Variants in ITPKB observed in about 807,000 individuals in gnomAD.
The protein encoded by ITPKB is inositol-trisphosphate 3-kinase B.
A neutral mutation model predicts 69.4 loss-of-function variants in ITPKB; 13 were observed. The observed-to-expected ratio is 0.19, with a 90% CI of 0.12 to 0.30. The LOEUF (loss-of-function observed/expected upper bound fraction) is 0.30, where lower values mean the gene tolerates loss of function less well. Among genes scored for constraint, ITPKB ranks in the 10% least tolerant of loss-of-function variants. The pLI, the probability that ITPKB is intolerant of heterozygous loss-of-function variation, is 1.00. For missense variants in ITPKB, 1,240 were observed against 1,250.5 expected, an observed-to-expected ratio of 0.99 and a Z score of 0.13; for synonymous variants, 584 against 513.7, an observed-to-expected ratio of 1.14 and a Z score of -1.85.
intron 2 of ITPKB, among the ~76,000 whole-genome samples, chr1:226,718,204 G>C (rs1170176874): frequency 6.7e-6 from 1 of 149,276 alleles, no homozygotes; most frequent in African/African-American, 2.5e-5. Flanking sequence ...TGAGGCAGGA[G>C]AATCACTTGA....
chr1:226,728,045 G>A (rs1430112553), intron 2 of ITPKB, among the ~76,000 whole-genome samples: 1 of 152,046 alleles, frequency 6.6e-6, no homozygotes, highest in African/African-American at 2.4e-5. Context: ...ACCACCCCAG[G>A]TTACGTGAGA....
intron 2 of ITPKB, among the ~76,000 whole-genome samples, chr1:226,690,182 G>A (rs1656314440): frequency 6.6e-6 from 1 of 152,140 alleles, no homozygotes. Flanking sequence ...AGGTCTTTGA[G>A]GAATCGCCAC....
rs145379834 is a variant in ITPKB, at chr1:226,634,758, C to T, written c.2754G>A (p.Glu918=). ...AGAGGTAGCCATCCTCCCGGTTCCCCTCCTGCCAGGGGACGTCATGCTGCA... is the reference window on the plus strand; with the variant it reads ...AGAGGTAGCCATCCTCCCGGTTCCCTTCCTGCCAGGGGACGTCATGCTGCA... The part of the protein sequence containing the change: ...QTLQHDVPWQ[E]GNREDGYLSG... The change falls in exon 8 of 8, where the codon GAG becomes GAA. Residue 918 remains glutamate, a synonymous_variant. Coordinates refer to ENST00000429204, the MANE Select transcript of ITPKB (RefSeq NM_002221.4). This position sits in a 1 kb window ranked among gnomAD's most constrained non-coding sequence, Gnocchi z 6.3. The T allele has an allele frequency of 2.6e-4, 370 of 1,400,586 alleles. No homozygotes were observed. The African/African-American group carries it at 5.0e-3, about 19-fold the overall frequency. The allele number at this position is 1,400,586 out of a possible 1,614,324, so 86.8% of individuals were successfully genotyped here. A position where few individuals can be genotyped will look rare whatever the true frequency, so the allele number is the denominator to read the frequency against.
At chr1:226,649,963 G>A (rs1669154486) in intron 2 of ITPKB, among the ~76,000 whole-genome samples, 2 of 152,312 alleles carry the variant, frequency 1.3e-5, no homozygotes, top group Admixed American at 6.5e-5. Flanking sequence ...TCAGGGGGGC[G>A]ATGAGAACCT....
chr1:226,713,075 C>T (rs1033196696), intron 2 of ITPKB, among the ~76,000 whole-genome samples: 10 of 152,148 alleles, frequency 6.6e-5, no homozygotes, highest in African/African-American at 2.2e-4. Flanking sequence ...CACACACATA[C>T]ACACGTGCAT....
intron 7 of ITPKB, among the ~76,000 whole-genome samples, chr1:226,636,516 C>T (rs1151804): frequency 0.1 from 15,481 of 152,238 alleles, 825 homozygotes; most frequent in East Asian, 0.16. Context: ...CACCGCCCTG[C>T]TGGCTGCCTC....
chr1:226,707,242 C>G (rs1450321858), intron 2 of ITPKB: 1 of 330,444 alleles, frequency 3.0e-6, no homozygotes, highest in African/African-American at 2.2e-5. Flanking sequence ...TTCGCCCAGG[C>G]TGGAGTGCAG....
rs1216868392 is a variant in ITPKB, at chr1:226,634,727, G to A, written c.2785C>T (p.Leu929Phe). ...GTCAGGATGTCGACGAGGTTATTGAGCCCCGAGAGGTAGCCATCCTCCCGG... is the reference window on the plus strand; with the variant it reads ...GTCAGGATGTCGACGAGGTTATTGAACCCCGAGAGGTAGCCATCCTCCCGG... ...GNREDGYLSG[L>F]NNLVDILTEM... Residue 929 changes from leucine to phenylalanine, a missense_variant, in exon 8 of 8, where the codon CTC (leucine) becomes TTC (phenylalanine). Physicochemically the swap from Leu to Phe is conservative, Grantham distance 22. Coordinates refer to ENST00000429204, the MANE Select transcript of ITPKB (RefSeq NM_002221.4). The surrounding 1 kb of genome is among the most constrained non-coding windows in gnomAD (Gnocchi z 6.3). 1 of 1,066,014 alleles carries A rather than the reference G, an allele frequency of 9.4e-7. No homozygotes were observed. Among genetic ancestry groups the A allele is most frequent in the Non-Finnish European group, 1.5e-6 (1 of 679,708 alleles). The allele number at this position is 1,066,014 out of a possible 1,614,324, so 66.0% of individuals were successfully genotyped here.
chr1:226,723,368 C>T (rs965702945), intron 2 of ITPKB, among the ~76,000 whole-genome samples: 8 of 152,118 alleles, frequency 5.3e-5, no homozygotes, highest in African/African-American at 1.7e-4. Context: ...GGACACGTGA[C>T]GGGCCTCACT....
At chr1:226,689,569 T>TTGTGTGTGTG (rs10589027) in intron 2 of ITPKB, among the ~76,000 whole-genome samples, 18 of 138,568 alleles carry the variant, frequency 1.3e-4, no homozygotes, top group East Asian at 2.1e-4. Context: ...AAGGTTTTAT[T>TTGTGTGTGTG]TGTGTGTGTG....
At chr1:226,719,719 T>A (rs923681633) in intron 2 of ITPKB, among the ~76,000 whole-genome samples, 2 of 152,194 alleles carry the variant, frequency 1.3e-5, no homozygotes, top group African/African-American at 4.8e-5. Flanking sequence ...CCAGGCTGCC[T>A]GGGTGCTTCA....
chr1:226,703,809 G>A (rs1656738323), intron 2 of ITPKB, among the ~76,000 whole-genome samples: 1 of 152,246 alleles, frequency 6.6e-6, no homozygotes, highest in Admixed American at 6.5e-5. Flanking sequence ...TGGGAGAAAG[G>A]ATGTGTTTCA....
At chr1:226,687,108 T>C (rs910789377) in intron 2 of ITPKB, among the ~76,000 whole-genome samples, 1 of 152,218 alleles carries the variant, frequency 6.6e-6, no homozygotes, top group Non-Finnish European at 1.5e-5. Flanking sequence ...TGTATATTTG[T>C]AGTCAGTGAG....
chr1:226,695,855 C>T (rs1047122686), intron 2 of ITPKB, among the ~76,000 whole-genome samples: 1 of 152,048 alleles, frequency 6.6e-6, no homozygotes, highest in African/African-American at 2.4e-5. Flanking sequence ...TGTGAGCCCC[C>T]CAAACCCAGG....
intron 2 of ITPKB, among the ~76,000 whole-genome samples, chr1:226,724,283 C>T (rs1381205519): frequency 6.6e-6 from 1 of 152,130 alleles, no homozygotes; most frequent in Non-Finnish European, 1.5e-5. Flanking sequence ...GAGCAAGCCT[C>T]CCCCAGCACA....
At chr1:226,687,361 CA>C (rs1460854839) in intron 2 of ITPKB, among the ~76,000 whole-genome samples, 1 of 152,198 alleles carries the variant, frequency 6.6e-6, no homozygotes, top group African/African-American at 2.4e-5. Context: ...CCACTGTCCA[CA>C]GTGAAACAAC....
At chr1:226,671,909 GTTC>G (rs1328605491) in intron 2 of ITPKB, among the ~76,000 whole-genome samples, 1 of 152,184 alleles carries the variant, frequency 6.6e-6, no homozygotes, top group African/African-American at 2.4e-5. Flanking sequence ...TTTTTAGGCT[GTTC>G]TTAGGACTTC....
intron 2 of ITPKB, among the ~76,000 whole-genome samples, chr1:226,663,644 C>G (rs958690138): frequency 2.6e-5 from 4 of 152,104 alleles, no homozygotes; most frequent in East Asian, 3.9e-4. Context: ...CTCAGCCTCC[C>G]TAGTAGCTGG....
rs571871142 is a variant in ITPKB at position 226,657,602 on chromosome 1, T to C, written c.1933-8831A>G. ...GTATTGCCAGCCGAACTCTGCTGCG[T>C]GTGTGCAAAGAGATCACGTTACATG... On this transcript the variant is annotated intron_variant, in intron 2 of 7. Coordinates refer to ENST00000429204, the MANE Select transcript of ITPKB (RefSeq NM_002221.4). 2.6e-5 allele frequency among the ~76,000 whole-genome samples: 4 copies of C among 152,316 alleles called. No homozygotes were observed. The South Asian group carries it at 8.3e-4, about 32-fold the overall frequency.
Sources: allele counts gnomAD v4.1 joint callset (sites outside exome capture counted in the v4.1 genomes callset), GRCh38; gene constraint gnomAD v4.1.1; non-coding constraint Gnocchi (gnomAD v3.1); transcripts MANE v1.5; gene names NCBI Gene and HGNC (gene_info 2026-07-23, HGNC 2026-07-21).